The following CSGALNACT1 variants were observed in gnomAD, a reference collection of about 807,000 sequenced individuals.
CSGALNACT1 encodes the protein beta4GalNAcT-1.
In CSGALNACT1, 52 loss-of-function variants were observed where a neutral mutation model predicts 51.0. The observed-to-expected ratio is 1.02, with a 90% confidence interval of 0.82 to 1.29. The LOEUF (loss-of-function observed/expected upper bound fraction) is 1.29, where lower values mean the gene tolerates loss of function less well. CSGALNACT1 is among the 50% of genes most tolerant of loss of function. CSGALNACT1 has a pLI of 0.00. For missense variants in CSGALNACT1, 935 were observed against 679.2 expected (o/e 1.38, Z -4.19); for synonymous variants, 341 against 254.4 (o/e 1.34, Z -3.24).
intron 4 of CSGALNACT1, among the ~76,000 whole-genome samples, chr8:19,484,038 A>G (rs1176259861): frequency 1.3e-5 from 2 of 152,232 alleles, no homozygotes; most frequent in Non-Finnish European, 2.9e-5. Context: ...ATACCTAGGC[A>G]GTGGACACTA....
At chr8:19,635,034 T>C (rs989487891) in intron 1 of CSGALNACT1, among the ~76,000 whole-genome samples, 2 of 152,264 alleles carry the variant, frequency 1.3e-5, no homozygotes, top group African/African-American at 4.8e-5. Context: ...GTAAATGTTG[T>C]ACGTTTTAAG....
At chr8:19,537,711 A>G (rs2084079155) in intron 3 of CSGALNACT1, among the ~76,000 whole-genome samples, 1 of 152,228 alleles carries the variant, frequency 6.6e-6, no homozygotes, top group African/African-American at 2.4e-5. Flanking sequence ...AAGAAAAAGG[A>G]ACATCAACCT....
intron 3 of CSGALNACT1, among the ~76,000 whole-genome samples, chr8:19,524,421 C>T (rs1716707760): frequency 6.6e-6 from 1 of 152,148 alleles, no homozygotes; most frequent in Non-Finnish European, 1.5e-5. Flanking sequence ...ATTTAATCAA[C>T]CATGCCTAAT....
At chr8:19,672,252 A>T (rs1175146977) in intron 1 of CSGALNACT1, among the ~76,000 whole-genome samples, 2 of 152,126 alleles carry the variant, frequency 1.3e-5, no homozygotes, top group Non-Finnish European at 2.9e-5. Flanking sequence ...TATATCAAAT[A>T]CTCTATGTAT....
At chr8:19,417,090 A>G (rs533808290) in intron 8 of CSGALNACT1, among the ~76,000 whole-genome samples, 83 of 152,174 alleles carry the variant, frequency 5.5e-4, no homozygotes, top group Admixed American at 5.4e-3. Flanking sequence ...CCTGGCCTCA[A>G]GTGATCTGCC....
At chr8:19,689,047 T>C (rs2061140122) in intron 1 of CSGALNACT1, 1 of 152,232 alleles carries the variant, frequency 6.6e-6, no homozygotes, top group African/African-American at 2.4e-5. Flanking sequence ...AATGAGAGGC[T>C]TCTAATGGAG....
chr8:19,526,476 G>C (rs576597104), intron 3 of CSGALNACT1, among the ~76,000 whole-genome samples: 1 of 152,098 alleles, frequency 6.6e-6, no homozygotes, highest in African/African-American at 2.4e-5. Context: ...CCAGCTACTC[G>C]GGAGACCGAG....
At chr8:19,436,945 T>C (rs2060478401) in intron 6 of CSGALNACT1, among the ~76,000 whole-genome samples, 1 of 152,124 alleles carries the variant, frequency 6.6e-6, no homozygotes, top group Admixed American at 6.5e-5. Context: ...TGTGCACAAA[T>C]TTACTATATA....
intron 3 of CSGALNACT1, among the ~76,000 whole-genome samples, chr8:19,536,013 G>C (rs1032783699): frequency 3.3e-5 from 5 of 152,068 alleles, no homozygotes; most frequent in African/African-American, 1.2e-4. Context: ...ATACAGATTA[G>C]AAAGGAAGAA....
intron 1 of CSGALNACT1, among the ~76,000 whole-genome samples, chr8:19,709,551 G>T (rs373249328): frequency 9.2e-5 from 14 of 152,190 alleles, no homozygotes; most frequent in African/African-American, 3.4e-4. Context: ...CTGAGAGAAT[G>T]AAGTGGTTCC....
At chr8:19,463,212 C>G (rs1357333910) in intron 4 of CSGALNACT1, among the ~76,000 whole-genome samples, 1 of 152,142 alleles carries the variant, frequency 6.6e-6, no homozygotes, top group East Asian at 1.9e-4. Context: ...TTTTCTTTAT[C>G]CAGTCCACTG....
intron 4 of CSGALNACT1, among the ~76,000 whole-genome samples, chr8:19,479,996 C>G (rs1173028342): frequency 6.6e-6 from 1 of 152,168 alleles, no homozygotes; most frequent in Non-Finnish European, 1.5e-5. Flanking sequence ...AATAACTGTT[C>G]TCAACATGGT....
At chr8:19,499,717 G>A (rs1051098557) in intron 4 of CSGALNACT1, among the ~76,000 whole-genome samples, 1 of 152,122 alleles carries the variant, frequency 6.6e-6, no homozygotes, top group Non-Finnish European at 1.5e-5. Context: ...TCTCCCTTCT[G>A]TCCCCTCCAC....
intron 1 of CSGALNACT1, among the ~76,000 whole-genome samples, chr8:19,610,059 T>G (rs1219414327): frequency 6.6e-6 from 1 of 151,696 alleles, no homozygotes; most frequent in Admixed American, 6.6e-5. Flanking sequence ...CCGTCTCTAC[T>G]AAAAATACAA....
At chr8:19,505,280 T>C (rs773680712) in exon 4 of CSGALNACT1, 5 of 1,614,184 alleles carry the variant, frequency 3.1e-6, no homozygotes, top group African/African-American at 1.3e-5. Context: ...CCAAGGCTGA[T>C]TCAATGGCTT....
chr8:19,713,498 T>C (rs2062629535), intron 1 of CSGALNACT1, among the ~76,000 whole-genome samples: 1 of 152,126 alleles, frequency 6.6e-6, no homozygotes, highest in Non-Finnish European at 1.5e-5. Context: ...TTTTTGGAAA[T>C]AAGGTTGCTT....
intron 1 of CSGALNACT1, among the ~76,000 whole-genome samples, chr8:19,687,752 G>A (rs1368839510): frequency 6.6e-6 from 1 of 152,122 alleles, no homozygotes; most frequent in African/African-American, 2.4e-5. Context: ...ACTACATAAA[G>A]ACAATACTAT....
intron 2 of CSGALNACT1, among the ~76,000 whole-genome samples, chr8:19,594,710 AT>A (rs775097029): frequency 0.013 from 1,923 of 144,368 alleles, 25 homozygotes; most frequent in African/African-American, 0.036. Flanking sequence ...GGCCTGGCTA[AT>A]TTTTTTTTTT....
intron 1 of CSGALNACT1, among the ~76,000 whole-genome samples, chr8:19,666,995 G>GAA: frequency 3.7e-5 from 1 of 26,974 alleles, no homozygotes; most frequent in East Asian, 7.0e-4. Context: ...AAGAAAGAAA[G>GAA]AAAGAAAGAA....
Sources: allele counts gnomAD v4.1 joint callset (sites outside exome capture counted in the v4.1 genomes callset), GRCh38; gene constraint gnomAD v4.1.1; transcripts MANE v1.5; gene names NCBI Gene and HGNC (gene_info 2026-07-23, HGNC 2026-07-21).